The following EFCAB6 variants were observed in gnomAD, a reference collection of about 807,000 sequenced individuals.
EFCAB6 encodes EF-hand calcium binding domain 6.
EFCAB6 carries 156 observed loss-of-function variants against 169.8 expected under a neutral mutation model. That is an observed-to-expected ratio of 0.92 (90% CI 0.81 to 1.05). EFCAB6 has a LOEUF of 1.05. Ranked by LOEUF, EFCAB6 falls within the 50% of genes least tolerant of loss-of-function variation. The probability of loss-of-function intolerance (pLI) is 0.00; values close to 1 mark genes in which losing one functional copy is unlikely to be tolerated. For missense variants in EFCAB6, 1,800 were observed against 1,829.1 expected (o/e 0.98, Z 0.29); for synonymous variants, 698 against 676.4 (o/e 1.03, Z -0.50).
intron 26 of EFCAB6, among the ~76,000 whole-genome samples, chr22:43,557,677 T>C (rs1356093837): frequency 1.3e-5 from 2 of 152,170 alleles, no homozygotes; most frequent in Non-Finnish European, 2.9e-5. Context: ...TATTGTATAT[T>C]ACACAAATAC....
At position 43,528,912 on chromosome 22, in the gene EFCAB6, C is replaced by G; in HGVS notation, c.4447G>C (p.Asp1483His). The G allele has an allele frequency of 6.2e-7, 1 of 1,611,238 alleles. No individual in the cohort carries two copies. Among genetic ancestry groups the G allele is most frequent in the Non-Finnish European group, 8.5e-7 (1 of 1,177,748 alleles). ...EEFFHILEYY[D>H]KTLSSKISYN... ...GAGATTTTTGAAGACAGCGTCTTAT[C>G]GTAATACTCCAGAATATGGAAGAAC... The change falls in exon 32 of 32, where the codon GAT becomes CAT. Residue 1483 changes from aspartate to histidine, a missense_variant. Transcript: ENST00000262726.
chr22:43,787,098 G>C (rs1343085366), intron 2 of EFCAB6, among the ~76,000 whole-genome samples: 1 of 152,104 alleles, frequency 6.6e-6, no homozygotes, highest in Non-Finnish European at 1.5e-5. Flanking sequence ...AACACTCACA[G>C]GTAATGTCAT....
intron 17 of EFCAB6, among the ~76,000 whole-genome samples, chr22:43,666,307 T>A (rs1435477171): frequency 1.3e-5 from 2 of 152,126 alleles, no homozygotes. Context: ...CGTCCTCCAG[T>A]CCATGCTCCT....
At position 43,659,354 on chromosome 22, in the gene EFCAB6, T is replaced by A. The variant is rs544395320; in HGVS notation, c.1983+7750A>T. 2.0e-5 allele frequency among the ~76,000 whole-genome samples: 3 copies of A among 152,200 alleles called. No individual in the cohort carries two copies. The South Asian group carries it at 6.2e-4, about 32-fold the overall frequency. On this transcript the variant is annotated intron_variant, in intron 17 of 31. Coordinates refer to ENST00000262726, the MANE Select transcript of EFCAB6 (RefSeq NM_022785.4). The stretch of plus-strand genomic sequence containing the variant: ...AATACAAATACTTAATATTTGACTT[T>A]AAAAAAAATCTAATTCAGCTGGGCA...
At chr22:43,715,051 C>T (rs2059285780) in intron 9 of EFCAB6, among the ~76,000 whole-genome samples, 1 of 152,196 alleles carries the variant, frequency 6.6e-6, no homozygotes, top group Non-Finnish European at 1.5e-5. Flanking sequence ...AAGTACCCGT[C>T]ACTTCGAGTT....
In EFCAB6 at chr22:43,667,137, A is replaced by T; in HGVS notation, c.1950T>A (p.Pro650=). ...AGTCATGCACGTTAATTTTTCCATT[A>T]GGCTCCTTGCTGAAGTCAAGAAATC... ...KKRFLDFSKE[P]NGKINVHDFK... is the part of the protein sequence containing the mutation. Residue 650 remains proline (P), a synonymous_variant, in exon 17 of 32, where the codon CCT becomes CCA. Transcript: ENST00000262726. The T allele has an allele frequency of 6.2e-7, 1 of 1,614,070 alleles. No homozygotes were observed. The highest frequency in any genetic ancestry group is 8.5e-7 in the Non-Finnish European group (1 of 1,180,006).
intron 20 of EFCAB6, among the ~76,000 whole-genome samples, chr22:43,620,898 C>G (rs1199340307): frequency 2.0e-5 from 3 of 152,130 alleles, no homozygotes; most frequent in African/African-American, 7.2e-5. Flanking sequence ...TTACAGAACA[C>G]TCCACCCAAC....
chr22:43,534,759 A>G lies in EFCAB6; in HGVS notation c.4162T>C (p.Cys1388Arg), dbSNP rs745669467. ...KFAYCDFIQS[C>R]VLLLKAKESS... ...TCCTTTGCTTTTAGCAGGAGGACACAGCTCTGAATGAAGTCACAGTATGCA... is the reference window on the plus strand; with the variant it reads ...TCCTTTGCTTTTAGCAGGAGGACACGGCTCTGAATGAAGTCACAGTATGCA... The change falls in exon 30 of 32, where the codon TGT (cysteine) becomes CGT (arginine). Residue 1388 changes from cysteine to arginine, a missense_variant. Coordinates refer to ENST00000262726, the MANE Select transcript of EFCAB6 (RefSeq NM_022785.4). The G allele has an allele frequency of 4.3e-6, 7 of 1,613,890 alleles. No individual in the cohort carries two copies. Among genetic ancestry groups the G allele is most frequent in the Middle Eastern group, 3.3e-4 (2 of 6,084 alleles).
chr22:43,728,277 T>C (rs1405660776), intron 8 of EFCAB6, among the ~76,000 whole-genome samples: 1 of 152,230 alleles, frequency 6.6e-6, no homozygotes, highest in Non-Finnish European at 1.5e-5. Context: ...ACTCCTGGTG[T>C]ATATCTGCCA....
chr22:43,550,868 G>A (rs73430072), intron 27 of EFCAB6, among the ~76,000 whole-genome samples: 5,894 of 152,094 alleles, frequency 0.039, 124 homozygotes, highest in African/African-American at 0.051. Flanking sequence ...GCTTTCTGCA[G>A]AGCCACAAAG....
Position 43,765,386 on chromosome 22 carries a change from AG to A in EFCAB6, c.358del (p.Ser121AlafsTer22). 1.2e-6 allele frequency: 2 copies of A among 1,611,436 alleles called. No homozygotes were observed. The highest frequency in any genetic ancestry group is 1.7e-6 in the Non-Finnish European group (2 of 1,178,184). On this transcript the variant is annotated frameshift_variant, in exon 5 of 32. Coordinates refer to ENST00000262726, the MANE Select transcript of EFCAB6 (RefSeq NM_022785.4). LOFTEE classifies it high-confidence loss of function. ...QFQDVLAQIP[L>X]STSGTVPYLA... is the part of the protein sequence containing the mutation. ...GTACGGTACAGTACCAGAGGTGCTA[AG>A]GGGGATCTACAGTCAAGGGAGAAGA...
intron 6 of EFCAB6, among the ~76,000 whole-genome samples, chr22:43,752,268 C>T (rs1221314022): frequency 3.9e-5 from 6 of 152,098 alleles, no homozygotes; most frequent in Non-Finnish European, 4.4e-5. Context: ...CTGGTGTGCG[C>T]CACCATGCCC....
chr22:43,689,126 G>A (rs564547932), intron 10 of EFCAB6, among the ~76,000 whole-genome samples: 1 of 152,154 alleles, frequency 6.6e-6, no homozygotes, highest in East Asian at 1.9e-4. Context: ...TTGGGGGTGG[G>A]ATGTATCAGT....
chr22:43,602,061 T>C (rs1278569367), intron 22 of EFCAB6, among the ~76,000 whole-genome samples: 1 of 152,212 alleles, frequency 6.6e-6, no homozygotes, highest in Admixed American at 6.5e-5. Context: ...TAAATACCAG[T>C]TTGCCGGCTC....
intron 27 of EFCAB6, among the ~76,000 whole-genome samples, chr22:43,548,569 A>AAAAAAT (rs1569140151): frequency 7.7e-6 from 1 of 129,812 alleles, no homozygotes; most frequent in African/African-American, 2.9e-5. Flanking sequence ...AAAAAAAAAA[A>AAAAAAT]AGGTCAACTC....
At position 43,632,103 on chromosome 22, in the gene EFCAB6, A is replaced by G; in HGVS notation, c.2232+2T>C. On this transcript the variant is annotated splice_donor_variant, in intron 19 of 31. Transcript: ENST00000262726. LOFTEE classifies it high-confidence loss of function. ...GCCCAGCGCCAGACAGTCACGGTTT[A>G]CCCGGAATGACTCCTTCAGCCTCCT... is the stretch of plus-strand genomic sequence containing the variant. 1.2e-6 allele frequency: 2 copies of G among 1,613,708 alleles called. No homozygotes were observed. Among genetic ancestry groups the G allele is most frequent in the Non-Finnish European group, 1.7e-6 (2 of 1,179,840 alleles).
chr22:43,737,313 A>G (rs2060177492), intron 6 of EFCAB6, among the ~76,000 whole-genome samples: 1 of 151,606 alleles, frequency 6.6e-6, no homozygotes, highest in South Asian at 2.1e-4. Context: ...CACACACACC[A>G]TCACTCACAC....
intron 19 of EFCAB6, among the ~76,000 whole-genome samples, chr22:43,631,086 G>A (rs1328291698): frequency 6.6e-6 from 1 of 151,748 alleles, no homozygotes; most frequent in Admixed American, 6.6e-5. Context: ...ACAGGAAATG[G>A]GGTGTTGCCC....
At chr22:43,689,069 C>A (rs943628719) in intron 10 of EFCAB6, among the ~76,000 whole-genome samples, 5 of 152,148 alleles carry the variant, frequency 3.3e-5, no homozygotes, top group Admixed American at 6.5e-5. Context: ...CTACTCCTCA[C>A]CTGAAGCCTT....
Sources: gnomAD v4.1 joint callset for allele counts (sites outside exome capture counted in the v4.1 genomes callset) on GRCh38, gnomAD v4.1.1 for gene constraint, MANE v1.5 for transcripts, NCBI Gene and HGNC (gene_info 2026-07-23, HGNC 2026-07-21) for gene names.